The following ZNF91 variants were observed in gnomAD, a reference collection of about 807,000 sequenced individuals.
ZNF91 encodes the protein zinc finger protein 91 (HPF7, HTF10).
A neutral mutation model predicts 12.6 loss-of-function variants in ZNF91; 7 were observed. The observed-to-expected ratio is 0.55, with a 90% CI of 0.31 to 1.04. ZNF91 has a LOEUF of 1.04. Ranked by LOEUF, ZNF91 falls within the 50% of genes least tolerant of loss-of-function variation. The probability of loss-of-function intolerance (pLI) is 0.05; values close to 1 mark genes in which losing one functional copy is unlikely to be tolerated. For missense variants in ZNF91, 1,217 were observed against 1,385.4 expected, an observed-to-expected ratio of 0.88 and a Z score of 1.93; for synonymous variants, 453 against 462.6, an observed-to-expected ratio of 0.98 and a Z score of 0.27.
intron 3 of ZNF91, chr19:23,307,295 G>C (rs1480614170): frequency 6.6e-6 from 1 of 152,104 alleles, no homozygotes; most frequent in Non-Finnish European, 1.5e-5. Context: ...TCAACCACTT[G>C]ATGTGACTCT....
At chr19:23,338,271 G>C (rs1224968705), downstream of ZNF91, 1 of 151,860 alleles carries the variant, frequency 6.6e-6, no homozygotes, top group Non-Finnish European at 1.5e-5. Flanking sequence ...CAAAAGAAAA[G>C]CATCTAGTAA....
In ZNF91 at chr19:23,306,417, A is replaced by G. The variant is rs117912306; in HGVS notation, n.277+899T>C. 7.2e-3 allele frequency among the ~76,000 whole-genome samples: 1,101 copies of G among 152,316 alleles called. 9 individuals carry two copies. The highest frequency in any genetic ancestry group is 0.02 in the Middle Eastern group (6 of 294). On this transcript the variant is annotated intron_variant and non_coding_transcript_variant, in intron 3 of 3. Transcript: ENST00000593292. The stretch of plus-strand genomic sequence containing the variant: ...CTGGACTCAGCCCCTAGGTGATATT[A>G]CCCTATTCTTCTGCTTTAGCGCTGC...
chr19:23,320,591 C>T (rs1187036427), intron 1 of ZNF91, among the ~76,000 whole-genome samples: 1 of 152,324 alleles, frequency 6.6e-6, no homozygotes, highest in South Asian at 2.1e-4. Flanking sequence ...TGAGAACTCA[C>T]TCACTATCAC....
intron 3 of ZNF91, among the ~76,000 whole-genome samples, chr19:23,372,792 A>G (rs541834635): frequency 6.6e-6 from 1 of 152,330 alleles, no homozygotes; most frequent in South Asian, 2.1e-4. Context: ...GCCACAGTTC[A>G]TGGCCGGTTC....
chr19:23,388,070 AC>A (rs1256137971), intron 1 of ZNF91, among the ~76,000 whole-genome samples: 1 of 151,348 alleles, frequency 6.6e-6, no homozygotes, highest in Non-Finnish European at 1.5e-5. Flanking sequence ...ACATGGTGAA[AC>A]CCCGTCTCTA....
In ZNF91 at chr19:23,361,304, A is replaced by G; in HGVS notation, c.1675T>C (p.Ser559Pro). ...ATTATTTTATGTGTAGTAAGGGTTG[A>G]GAATTGCTTAAAAGCTTTGCCACAT... ...KECGKAFKQF[S>P]TLTTHKIIHA... Residue 559 changes from serine to proline, a missense_variant, in exon 4 of 4, where the codon TCA becomes CCA. Physicochemically the swap from Ser to Pro is moderately conservative, Grantham distance 74 (BLOSUM62 -1). Coordinates refer to ENST00000300619, the MANE Select transcript of ZNF91 (RefSeq NM_003430.4). The G allele has an allele frequency of 6.2e-7, 1 of 1,611,280 alleles. No homozygotes were observed. The highest frequency in any genetic ancestry group is 8.5e-7 in the Non-Finnish European group (1 of 1,179,022).
At chr19:23,375,131 T>C (rs979531921) in intron 1 of ZNF91, among the ~76,000 whole-genome samples, 3 of 152,042 alleles carry the variant, frequency 2.0e-5, no homozygotes, top group South Asian at 4.2e-4. Flanking sequence ...TCAGACACAA[T>C]AGACACGTTG....
chr19:23,313,789 T>A (rs540359259), upstream of ZNF91, among the ~76,000 whole-genome samples: 25 of 152,350 alleles, frequency 1.6e-4, no homozygotes, highest in East Asian at 5.8e-4. Context: ...GGTTGGTGAA[T>A]CTCAGACTAT....
chr19:23,366,829 G>A (rs1969034194), intron 3 of ZNF91, among the ~76,000 whole-genome samples: 1 of 152,172 alleles, frequency 6.6e-6, no homozygotes, highest in Admixed American at 6.5e-5. Context: ...CTAACATCAA[G>A]AATTACATTG....
chr19:23,316,197 T>C (rs1599680971), intron 1 of ZNF91, among the ~76,000 whole-genome samples: 1 of 147,376 alleles, frequency 6.8e-6, no homozygotes, highest in African/African-American at 2.5e-5. Context: ...GGTCCCCACA[T>C]GTTTTGGGTT....
In ZNF91 at chr19:23,359,705, T is replaced by C. The variant is rs1370786108; in HGVS notation, c.3274A>G (p.Thr1092Ala). 5.0e-6 allele frequency: 8 copies of C among 1,613,996 alleles called. No homozygotes were observed. The highest frequency in any genetic ancestry group is 4.5e-5 in the East Asian group (2 of 44,834). ...TGCAACCTCTTATGTCTAGTTAGGG[T>C]TGAAGATTGGCTAAATGCTTTGCCA... ...ECGKAFSQSS[T>A]LTRHKRLHTG... Residue 1092 changes from threonine to alanine, a missense_variant, in exon 4 of 4, where the codon ACC becomes GCC. Transcript: ENST00000300619.
At chr19:23,328,426 C>T (rs1196940218) in intron 1 of ZNF91, 1 of 151,948 alleles carries the variant, frequency 6.6e-6, no homozygotes, top group African/African-American at 2.4e-5. Context: ...GTACAAAAGC[C>T]CTGAGGTTGA....
At chr19:23,330,636 G>A (rs903952309) in intron 1 of ZNF91, among the ~76,000 whole-genome samples, 10 of 152,120 alleles carry the variant, frequency 6.6e-5, no homozygotes, top group Admixed American at 6.5e-5. Flanking sequence ...ATATCATTAG[G>A]ATGGACACCA....
At chr19:23,380,800 T>G (rs533351470) in intron 1 of ZNF91, 3 of 152,230 alleles carry the variant, frequency 2.0e-5, no homozygotes, top group Non-Finnish European at 2.9e-5. Flanking sequence ...CTATCTCTGC[T>G]GCTCTCTAAT....
chr19:23,368,516 C>G (rs1351897395), intron 3 of ZNF91, among the ~76,000 whole-genome samples: 1 of 13,706 alleles, frequency 7.3e-5, no homozygotes, highest in East Asian at 1.3e-3. Flanking sequence ...CTCCATCTCT[C>G]TCTCTCTCTC....
At chr19:23,387,153 A>G (rs933836933) in intron 1 of ZNF91, among the ~76,000 whole-genome samples, 2 of 152,234 alleles carry the variant, frequency 1.3e-5, no homozygotes, top group African/African-American at 4.8e-5. Flanking sequence ...AGATACTGTC[A>G]AGGTTTCAGA....
chr19:23,344,159 A>G (rs1397529517), intron 3 of ZNF91, among the ~76,000 whole-genome samples: 4 of 152,008 alleles, frequency 2.6e-5, no homozygotes, highest in Non-Finnish European at 5.9e-5. Flanking sequence ...CAGTGGCGTG[A>G]TCTTGGCTTA....
intron 3 of ZNF91, among the ~76,000 whole-genome samples, chr19:23,305,875 T>C (rs539244389): frequency 6.6e-6 from 1 of 152,232 alleles, no homozygotes; most frequent in Non-Finnish European, 1.5e-5. Context: ...TTCCCAAACC[T>C]TGCCCCTGAA....
chr19:23,363,113 C>T (rs1475432405), intron 3 of ZNF91, among the ~76,000 whole-genome samples: 2 of 152,042 alleles, frequency 1.3e-5, no homozygotes, highest in Non-Finnish European at 2.9e-5. Context: ...TGCAAAAAAC[C>T]ACACAGAAAA....
Sources: allele counts gnomAD v4.1 joint callset (sites outside exome capture counted in the v4.1 genomes callset), GRCh38; gene constraint gnomAD v4.1.1; transcripts MANE v1.5; gene names NCBI Gene and HGNC (gene_info 2026-07-23, HGNC 2026-07-21).